Variants in TRPM7 observed in about 807,000 individuals in gnomAD.
The protein encoded by TRPM7 is transient receptor potential cation channel subfamily M member 7.
TRPM7 carries 134 observed loss-of-function variants against 229.7 expected under a neutral mutation model. That is an observed-to-expected ratio of 0.58 (90% CI 0.51 to 0.67). The LOEUF (loss-of-function observed/expected upper bound fraction) is 0.67. Among genes scored for constraint, TRPM7 ranks in the 30% least tolerant of loss-of-function variants. The probability of loss-of-function intolerance (pLI) is 0.00; values close to 1 mark genes in which losing one functional copy is unlikely to be tolerated. For synonymous variants in TRPM7, 699 were observed against 715.2 expected, an observed-to-expected ratio of 0.98 and a Z score of 0.36; for missense variants, 1,901 against 2,210.0, an observed-to-expected ratio of 0.86 and a Z score of 2.80.
intron 3 of TRPM7, among the ~76,000 whole-genome samples, chr15:50,654,960 C>T (rs1304725873): frequency 1.4e-5 from 2 of 138,160 alleles, no homozygotes; most frequent in Non-Finnish European, 3.1e-5. Flanking sequence ...GAGACTGCGC[C>T]ACTGCACTCC....
chr15:50,629,819 C>A (rs893061955), intron 10 of TRPM7, among the ~76,000 whole-genome samples: 1 of 146,498 alleles, frequency 6.8e-6, no homozygotes, highest in African/African-American at 2.5e-5. Flanking sequence ...CAGAAAAGTA[C>A]ATGGTAAATA....
At chr15:50,638,697 T>C (rs1249665882) in intron 6 of TRPM7, among the ~76,000 whole-genome samples, 1 of 151,434 alleles carries the variant, frequency 6.6e-6, no homozygotes, top group Non-Finnish European at 1.5e-5. Context: ...TGTATGTATG[T>C]ATGTATGAGA....
rs2062277503 is a variant in TRPM7 at position 50,683,072 on chromosome 15, G to C, written c.3+3459C>G. On this transcript the variant is annotated intron_variant, in intron 1 of 38. Transcript: ENST00000646667. ...TAATGTTTTTTTATTTTTTTTGGTA[G>C]AGACTGGGTTTCGCCATCTTTCCCA... Among the ~76,000 whole-genome samples the C allele has an allele frequency of 1.3e-5, 2 of 151,438 alleles. 1 individual carries two copies. The highest frequency in any genetic ancestry group is 4.2e-4 in the South Asian group (2 of 4,814).
At chr15:50,668,650 G>C (rs192840306) in intron 1 of TRPM7, among the ~76,000 whole-genome samples, 6 of 152,286 alleles carry the variant, frequency 3.9e-5, no homozygotes, top group African/African-American at 9.6e-5. Flanking sequence ...TGGGATTACA[G>C]ATGCCCGCCA....
At chr15:50,646,820 C>T (rs1450504978) in intron 4 of TRPM7, among the ~76,000 whole-genome samples, 3 of 152,152 alleles carry the variant, frequency 2.0e-5, no homozygotes, top group African/African-American at 7.2e-5. Context: ...TATTATAATA[C>T]CATACTTCTG....
At chr15:50,637,375 A>G in intron 7 of TRPM7, 47 bp downstream of exon 7, 1 of 1,563,672 alleles carries the variant, frequency 6.4e-7, no homozygotes, top group Non-Finnish European at 8.7e-7. Flanking sequence ...GGCTATTAGT[A>G]CAGCCCAGGA....
chr15:50,678,637 T>C (rs890271634), intron 1 of TRPM7, among the ~76,000 whole-genome samples: 1 of 151,844 alleles, frequency 6.6e-6, no homozygotes, highest in Admixed American at 6.6e-5. Flanking sequence ...AATAATTAGA[T>C]ATTACTGACA....
chr15:50,627,438 G>A (rs1393263252), intron 11 of TRPM7, among the ~76,000 whole-genome samples: 1 of 152,004 alleles, frequency 6.6e-6, no homozygotes, highest in Non-Finnish European at 1.5e-5. Context: ...AGAGAGACAG[G>A]CAAGTACAAA....
At chr15:50,575,212 G>C in intron 33 of TRPM7, 77 bp from the exon 34 acceptor site, 2 of 1,312,908 alleles carry the variant, frequency 1.5e-6, no homozygotes, top group Non-Finnish European at 2.1e-6. Context: ...AAATTAGCAG[G>C]CATCTTTGAT....
At chr15:50,571,632 A>AAAT (rs2053891464) in intron 36 of TRPM7, among the ~76,000 whole-genome samples, 1 of 152,232 alleles carries the variant, frequency 6.6e-6, no homozygotes, top group Non-Finnish European at 1.5e-5. Context: ...CAACAAAACA[A>AAAT]AATAATAAAA....
chr15:50,571,668 GTA>G (rs1323055736), intron 36 of TRPM7, among the ~76,000 whole-genome samples: 3 of 152,132 alleles, frequency 2.0e-5, no homozygotes, highest in African/African-American at 7.2e-5. Flanking sequence ...CTCCGTTTGT[GTA>G]TATGTCTTCA....
At chr15:50,575,848 T>A in intron 32 of TRPM7, 21 bp downstream of exon 32, 1 of 1,611,604 alleles carries the variant, frequency 6.2e-7, no homozygotes. Flanking sequence ...GCTATTAAAT[T>A]TTGTTTTTAA....
At chr15:50,571,574 A>C (rs1257908340) in intron 36 of TRPM7, among the ~76,000 whole-genome samples, 1 of 129,620 alleles carries the variant, frequency 7.7e-6, no homozygotes, top group African/African-American at 2.6e-5. Context: ...CAGAAAAAAA[A>C]AGTGGAAAAA....
intron 21 of TRPM7, chr15:50,604,604 G>A (rs2059873467): frequency 4.3e-6 from 1 of 234,474 alleles, no homozygotes; most frequent in African/African-American, 2.3e-5. Flanking sequence ...GCCTGGATCA[G>A]TGAAGACAGG....
chr15:50,604,829 T>C, intron 21 of TRPM7, 37 bp downstream of exon 21: 2 of 1,510,532 alleles, frequency 1.3e-6, no homozygotes, highest in East Asian at 2.3e-5. Context: ...AAAAAATCAA[T>C]AAACCCACGA....
At chr15:50,604,771 T>C (rs2140434554) in intron 21 of TRPM7, 95 bp downstream of exon 21, 1 of 1,251,080 alleles carries the variant, frequency 8.0e-7, no homozygotes, top group Non-Finnish European at 1.1e-6. Flanking sequence ...ATAAAAGACA[T>C]TCACTGGCTC....
chr15:50,658,558 C>T (rs28483419), intron 2 of TRPM7, among the ~76,000 whole-genome samples: 4 of 145,206 alleles, frequency 2.8e-5, no homozygotes, highest in East Asian at 2.0e-4. Context: ...GGCGAAAGAG[C>T]GAGAAACTGT....
chr15:50,587,983 C>T (rs1596111517), intron 27 of TRPM7, among the ~76,000 whole-genome samples: 1 of 152,026 alleles, frequency 6.6e-6, no homozygotes, highest in African/African-American at 2.4e-5. Context: ...CTCTTTTTAT[C>T]GTGTGTCAGC....
At chr15:50,573,782 C>T (rs968952538) in intron 36 of TRPM7, among the ~76,000 whole-genome samples, 9 of 152,108 alleles carry the variant, frequency 5.9e-5, no homozygotes, top group Admixed American at 3.3e-4. Flanking sequence ...ATAGCCAGGC[C>T]GGGTGTGGTG....
Sources: gnomAD v4.1 joint callset for allele counts (sites outside exome capture counted in the v4.1 genomes callset) on GRCh38, gnomAD v4.1.1 for gene constraint, MANE v1.5 for transcripts, NCBI Gene and HGNC (gene_info 2026-07-23, HGNC 2026-07-21) for gene names.